The following ABCA1 variants were observed in gnomAD, a reference collection of about 807,000 sequenced individuals.
The protein encoded by ABCA1 is phospholipid-transporting ATPase ABCA1.
ABCA1 carries 133 observed loss-of-function variants against 262.5 expected under a neutral mutation model. That is an observed-to-expected ratio of 0.51 (90% CI 0.44 to 0.59). The LOEUF (loss-of-function observed/expected upper bound fraction) is 0.59. Ranked by LOEUF, ABCA1 falls within the 20% of genes least tolerant of loss-of-function variation. The probability of loss-of-function intolerance (pLI) is 0.00; values close to 1 mark genes in which losing one functional copy is unlikely to be tolerated. For missense variants in ABCA1, 2,452 were observed against 2,777.5 expected (o/e 0.88, Z 2.63); for synonymous variants, 1,022 against 1,043.5 (o/e 0.98, Z 0.40).
intron 21 of ABCA1, 48 bp from the exon 22 acceptor site, chr9:104,819,771 T>G (rs1212051944): frequency 6.2e-7 from 1 of 1,613,512 alleles, no homozygotes. Context: ...CCCCAGACAG[T>G]GAGTGAAGGC....
intron 6 of ABCA1, among the ~76,000 whole-genome samples, chr9:104,859,289 T>C (rs1836134401): frequency 6.6e-6 from 1 of 152,244 alleles, no homozygotes; most frequent in African/African-American, 2.4e-5. Flanking sequence ...ATCATTCTTA[T>C]CTTTTCTTTA....
intron 17 of ABCA1, among the ~76,000 whole-genome samples, chr9:104,824,890 C>A (rs74471062): frequency 6.6e-6 from 1 of 152,228 alleles, no homozygotes; most frequent in Non-Finnish European, 1.5e-5. Flanking sequence ...AATCCAGAAT[C>A]TGCATGCTGC....
chr9:104,825,909 A>G (rs1403246386), intron 16 of ABCA1, 22 bp from the exon 17 acceptor site: 1 of 1,612,098 alleles, frequency 6.2e-7, no homozygotes, highest in Non-Finnish European at 8.5e-7. Context: ...AGGCAAAGTC[A>G]CCTATCCATT....
chr9:104,834,979 T>C (rs1292298050), intron 11 of ABCA1, among the ~76,000 whole-genome samples: 3 of 152,124 alleles, frequency 2.0e-5, no homozygotes, highest in African/African-American at 7.2e-5. Flanking sequence ...CCGGGCGCGG[T>C]GGCTCATGCC....
chr9:104,817,423 G>T lies in ABCA1; in HGVS notation c.3463-19C>A. On this transcript the variant is annotated intron_variant, in intron 23 of 49. Coordinates refer to ENST00000374736, the MANE Select transcript of ABCA1 (RefSeq NM_005502.4). The surrounding 1 kb of genome is among the most constrained non-coding windows in gnomAD (Gnocchi z 4.7). ...TGTCCTCCTGATGGCAAAGAAGGAG[G>T]TGAGAACGGGTCAGGGACGGAGCAA... 6.2e-7 allele frequency: 1 copy of T among 1,614,092 alleles called. No homozygotes were observed. Among genetic ancestry groups the T allele is most frequent in the African/African-American group, 1.3e-5 (1 of 75,058 alleles).
At chr9:104,815,028 A>G (rs1831618437) in intron 25 of ABCA1, among the ~76,000 whole-genome samples, 1 of 152,136 alleles carries the variant, frequency 6.6e-6, no homozygotes, top group Admixed American at 6.5e-5. Context: ...AAAAAAAGCT[A>G]TGACAGACAC....
chr9:104,790,612 T>C (rs914716916), intron 44 of ABCA1, among the ~76,000 whole-genome samples: 7 of 152,182 alleles, frequency 4.6e-5, no homozygotes, highest in Non-Finnish European at 1.0e-4. Context: ...GTGGTGATGG[T>C]TGCAAAACTC....
intron 1 of ABCA1, among the ~76,000 whole-genome samples, chr9:104,916,265 C>T (rs1841834298): frequency 6.6e-6 from 1 of 152,146 alleles, no homozygotes; most frequent in South Asian, 2.1e-4. Context: ...ACATCAACAT[C>T]GGGTTTCAGG....
At chr9:104,844,560 A>G (rs1340336690) in intron 8 of ABCA1, among the ~76,000 whole-genome samples, 1 of 151,328 alleles carries the variant, frequency 6.6e-6, no homozygotes, top group Non-Finnish European at 1.5e-5. Context: ...GTTAGAAAAC[A>G]TAAAGTTCGT....
At chr9:104,911,547 C>T (rs1841501239) in intron 1 of ABCA1, among the ~76,000 whole-genome samples, 1 of 152,078 alleles carries the variant, frequency 6.6e-6, no homozygotes, top group African/African-American at 2.4e-5. Flanking sequence ...CCAGGCTGAC[C>T]CATCAGCTTA....
At chr9:104,904,185 T>A (rs550987756) in intron 1 of ABCA1, among the ~76,000 whole-genome samples, 69 of 152,318 alleles carry the variant, frequency 4.5e-4, no homozygotes, top group African/African-American at 1.6e-3. Context: ...TTGTAAATTT[T>A]GCCTCAAGCC....
rs2042834590 is a variant in ABCA1, at chr9:104,817,372, A to G, written c.3495T>C (p.Ala1165=). 6.2e-7 allele frequency: 1 copy of G among 1,614,102 alleles called. No homozygotes were observed. The change falls in exon 24 of 50, where the codon GCT becomes GCC. Residue 1165 remains alanine, a synonymous_variant. Transcript: ENST00000374736. This position sits in a 1 kb window ranked among gnomAD's most constrained non-coding sequence, Gnocchi z 4.7. The part of the protein sequence containing the change: ...EDSVSQSSSD[A]GLGSDHESDT... Reference sequence around the variant, plus strand: ...CACTCTCATGGTCGCTGCCCAGGCCAGCATCAGAACTGCTCTGAGAAACAC... The same window carrying G: ...CACTCTCATGGTCGCTGCCCAGGCCGGCATCAGAACTGCTCTGAGAAACAC...
intron 5 of ABCA1, among the ~76,000 whole-genome samples, chr9:104,879,451 A>G (rs986057626): frequency 6.6e-6 from 1 of 152,228 alleles, no homozygotes; most frequent in Non-Finnish European, 1.5e-5. Flanking sequence ...AATGAGGCCA[A>G]AGAGAGTTGT....
chr9:104,846,521 A>T (rs922454281), intron 7 of ABCA1, among the ~76,000 whole-genome samples: 2 of 152,214 alleles, frequency 1.3e-5, no homozygotes, highest in Admixed American at 1.3e-4. Flanking sequence ...TACACAAGAA[A>T]ATGTCTAGAA....
At position 104,814,294 on chromosome 9, in the gene ABCA1, T is replaced by A. The variant is rs1468552964; in HGVS notation, c.3788-63A>T. 13 of 1,581,026 alleles carry A rather than the reference T, an allele frequency of 8.2e-6. No homozygotes were observed. The African/African-American group carries it at 1.7e-4, about 21-fold the overall frequency. ...TTTACAACAAAACAAACCTTCCCCA[T>A]CTGCAACAAACCTACACTCTACAAA... On this transcript the variant is annotated intron_variant, in intron 26 of 49. Coordinates refer to ENST00000374736, the MANE Select transcript of ABCA1 (RefSeq NM_005502.4).
Position 104,818,700 on chromosome 9 carries a change from C to T in ABCA1, c.3425G>A (p.Cys1142Tyr). ...KKDVESSLSSCRNSSSTVSYL... is the reference protein window; with the variant it reads ...KKDVESSLSSYRNSSSTVSYL... ...TGACACAGTGCTACTACTGTTTCTGCAGGAACTGAGGGAGGATTCCACATC... is the reference window on the plus strand; with the variant it reads ...TGACACAGTGCTACTACTGTTTCTGTAGGAACTGAGGGAGGATTCCACATC... The change falls in exon 23 of 50, where the codon TGC (cysteine) becomes TAC (tyrosine). Residue 1142 changes from cysteine (C) to tyrosine (Y), a missense_variant. By Grantham distance (194) the Cys-to-Tyr change is radical. Coordinates refer to ENST00000374736, the MANE Select transcript of ABCA1 (RefSeq NM_005502.4). 6.2e-7 allele frequency: 1 copy of T among 1,613,452 alleles called. No individual in the cohort carries two copies. The highest frequency in any genetic ancestry group is 8.5e-7 in the Non-Finnish European group (1 of 1,180,020).
At chr9:104,810,023 C>T (rs1831129187) in intron 29 of ABCA1, among the ~76,000 whole-genome samples, 2 of 151,618 alleles carry the variant, frequency 1.3e-5, no homozygotes, top group Non-Finnish European at 2.9e-5. Context: ...CAAACACATG[C>T]TATGTTCCAC....
At chr9:104,810,054 C>G (rs2118926987) in intron 29 of ABCA1, among the ~76,000 whole-genome samples, 1 of 149,998 alleles carries the variant, frequency 6.7e-6, no homozygotes, top group South Asian at 2.1e-4. Context: ...AATACAGGGT[C>G]AGCAGCCGGA....
intron 4 of ABCA1, among the ~76,000 whole-genome samples, chr9:104,883,665 G>A (rs1838892206): frequency 6.7e-6 from 1 of 150,332 alleles, no homozygotes; most frequent in Non-Finnish European, 1.5e-5. Flanking sequence ...TTTGTGTATG[G>A]AAGGGGCCCA....
Sources: allele counts gnomAD v4.1 joint callset (sites outside exome capture counted in the v4.1 genomes callset), GRCh38; gene constraint gnomAD v4.1.1; non-coding constraint Gnocchi (gnomAD v3.1); transcripts MANE v1.5; gene names NCBI Gene and HGNC (gene_info 2026-07-23, HGNC 2026-07-21).